Variants in DNAH11 observed in about 807,000 individuals in gnomAD.
DNAH11 encodes axonemal beta dynein heavy chain 11.
In DNAH11, 442 loss-of-function variants were observed where a neutral mutation model predicts 526.0. The observed-to-expected ratio is 0.84, with a 90% CI of 0.78 to 0.91. DNAH11 has a LOEUF of 0.91. Ranked by LOEUF, DNAH11 falls within the 40% of genes least tolerant of loss-of-function variation. DNAH11 has a pLI of 0.00. For synonymous variants in DNAH11, 2,461 were observed against 1,935.9 expected (o/e 1.27, Z -7.12); for missense variants, 6,989 against 5,448.7 (o/e 1.28, Z -8.90).
At chr7:21,544,813 C>T (rs971109639) in intron 1 of DNAH11, among the ~76,000 whole-genome samples, 193 bp from the exon 2 acceptor site, 1 of 151,850 alleles carries the variant, frequency 6.6e-6, no homozygotes, top group African/African-American at 2.4e-5. Context: ...GTGAAATTAG[C>T]ATTATAAAAG....
At chr7:21,576,937 T>C (rs562887657) in intron 8 of DNAH11, among the ~76,000 whole-genome samples, 1 of 151,960 alleles carries the variant, frequency 6.6e-6, no homozygotes, top group African/African-American at 2.4e-5. Flanking sequence ...AATAACAGTA[T>C]CTGAGAAAAA....
intron 70 of DNAH11, 86 bp from the exon 71 acceptor site, chr7:21,866,384 T>A: frequency 2.3e-6 from 3 of 1,281,304 alleles, no homozygotes; most frequent in South Asian, 1.6e-5. Context: ...TTTTTTTACA[T>A]AAGATTAGAT....
intron 54 of DNAH11, among the ~76,000 whole-genome samples, chr7:21,752,550 C>T (rs570216359): frequency 6.6e-6 from 1 of 152,070 alleles, no homozygotes; most frequent in Non-Finnish European, 1.5e-5. Flanking sequence ...TTTAAATGTA[C>T]TTATGGCACA....
intron 34 of DNAH11, among the ~76,000 whole-genome samples, chr7:21,687,946 C>A (rs1379161216): frequency 6.6e-6 from 1 of 151,982 alleles, no homozygotes; most frequent in Non-Finnish European, 1.5e-5. Context: ...CCTGTAGTCC[C>A]AGTTATTTTT....
In DNAH11 at chr7:21,892,792, A is replaced by C; in HGVS notation, c.12750+125A>C. On this transcript the variant is annotated intron_variant, in intron 77 of 81. Coordinates refer to ENST00000409508, the MANE Select transcript of DNAH11 (RefSeq NM_001277115.2). ...GGTTTTACTCATACAACCACCACCT[A>C]GATCAAAATAACATTTCCAACACTC... 3 of 1,117,340 alleles carry C rather than the reference A, an allele frequency of 2.7e-6. No homozygotes were observed. The South Asian group carries it at 5.0e-5, about 19-fold the overall frequency. The allele number at this position is 1,117,340 out of a possible 1,614,324, so 69.2% of individuals were successfully genotyped here. A position where few individuals can be genotyped will look rare whatever the true frequency, so the allele number is the denominator to read the frequency against.
rs17144861 is a variant in DNAH11, at chr7:21,642,924, C to G, written c.4944+3859C>G. Among the ~76,000 whole-genome samples the G allele has an allele frequency of 7.8e-3, 1,186 of 152,248 alleles. 46 individuals are homozygous for G. The South Asian group carries it at 0.079, about 10-fold the overall frequency. On this transcript the variant is annotated intron_variant, in intron 28 of 81. Coordinates refer to ENST00000409508, the MANE Select transcript of DNAH11 (RefSeq NM_001277115.2). ...CTAGAATGCTGTCAGTAATTATCAG[C>G]TTAGGAGTAAGTTTGGTTAAGGTCA...
In DNAH11 at chr7:21,861,955, T is replaced by C. The variant is rs773147855; in HGVS notation, c.11305T>C (p.Phe3769Leu). 6.2e-7 allele frequency: 1 copy of C among 1,613,772 alleles called. No homozygotes were observed. Among genetic ancestry groups the C allele is most frequent in the Admixed American group, 1.7e-5 (1 of 60,018 alleles). ...ILMESITHAV[F>L]LYTSQALFEK... ...GATGGAGAGCATCACCCATGCTGTC[T>C]TCCTCTACACCAGCCAGGCGCTGTT... The change falls in exon 69 of 82, where the codon TTC (phenylalanine) becomes CTC (leucine). Residue 3769 changes from phenylalanine to leucine, a missense_variant. Phe to Leu is a conservative substitution (Grantham distance 22, BLOSUM62 0). Transcript: ENST00000409508.
Position 21,588,721 on chromosome 7 carries a change from C to G in DNAH11, c.1973+85C>G, listed in dbSNP as rs1784563442. 2.0e-6 allele frequency: 3 copies of G among 1,486,472 alleles called. No homozygotes were observed. The East Asian group carries it at 6.8e-5, about 34-fold the overall frequency. 92.1% of individuals were successfully genotyped at this position (1,486,472 alleles called of 1,614,324 possible). A position where few individuals can be genotyped will look rare whatever the true frequency, so the allele number is the denominator to read the frequency against. On this transcript the variant is annotated intron_variant, in intron 11 of 81. Coordinates refer to ENST00000409508, the MANE Select transcript of DNAH11 (RefSeq NM_001277115.2). ...TAAGAGAGTGAGCTGTTCATATTAG[C>G]ACTTAGGAAGCCATTGCCCTGTTCA...
intron 68 of DNAH11, among the ~76,000 whole-genome samples, chr7:21,855,013 C>A (rs538535602): frequency 6.6e-6 from 1 of 150,402 alleles, no homozygotes; most frequent in East Asian, 2.0e-4. Flanking sequence ...GTGTATTGCT[C>A]CTGAGCAGTC....
chr7:21,760,322 A>G (rs755194429), intron 54 of DNAH11, among the ~76,000 whole-genome samples: 6 of 152,134 alleles, frequency 3.9e-5, no homozygotes, highest in African/African-American at 7.2e-5. Flanking sequence ...AAGCCTTACA[A>G]CCTGCTCTAT....
At chr7:21,734,714 T>A (rs1379258402) in intron 45 of DNAH11, among the ~76,000 whole-genome samples, 1 of 151,982 alleles carries the variant, frequency 6.6e-6, no homozygotes, top group African/African-American at 2.4e-5. Context: ...AATAATTAGC[T>A]GGGCATGGTG....
At chr7:21,845,084 C>G (rs1376338713) in intron 66 of DNAH11, among the ~76,000 whole-genome samples, 2 of 151,946 alleles carry the variant, frequency 1.3e-5, no homozygotes, top group Non-Finnish European at 1.5e-5. Context: ...TTTATGTTAG[C>G]ATAAAAAAGT....
intron 45 of DNAH11, among the ~76,000 whole-genome samples, chr7:21,733,365 G>A (rs1226339567): frequency 1.3e-5 from 2 of 152,288 alleles, no homozygotes; most frequent in African/African-American, 4.8e-5. Context: ...TCCAGCCTCA[G>A]CAACAAGAGC....
At chr7:21,615,414 G>A (rs1186968205) in intron 21 of DNAH11, 142 bp downstream of exon 21, 3 of 839,054 alleles carry the variant, frequency 3.6e-6, no homozygotes, top group South Asian at 2.3e-5. Context: ...CCCCAAATTA[G>A]AGTTCATGTA....
intron 51 of DNAH11, 86 bp downstream of exon 51, chr7:21,745,149 G>A (rs1234341138): frequency 1.6e-5 from 22 of 1,380,174 alleles, no homozygotes; most frequent in Non-Finnish European, 1.8e-5. Context: ...ATCATACTAA[G>A]CACTCTGAAC....
chr7:21,719,194 GT>G (rs1784782360), intron 43 of DNAH11, among the ~76,000 whole-genome samples: 1 of 152,166 alleles, frequency 6.6e-6, no homozygotes, highest in Non-Finnish European at 1.5e-5. Context: ...CTTTTAAGCT[GT>G]TGTTTTATAG....
chr7:21,815,794 A>T (rs184912839), intron 63 of DNAH11, among the ~76,000 whole-genome samples: 1 of 152,124 alleles, frequency 6.6e-6, no homozygotes, highest in Admixed American at 6.6e-5. Flanking sequence ...TATTGTTGTC[A>T]ATTTTTATAA....
chr7:21,629,054 C>G (rs1460914207), intron 25 of DNAH11, among the ~76,000 whole-genome samples: 2 of 152,112 alleles, frequency 1.3e-5, no homozygotes, highest in Non-Finnish European at 2.9e-5. Context: ...TCTAAACTTT[C>G]CTCTTATTAC....
chr7:21,645,465 A>G (rs890456739), intron 28 of DNAH11, among the ~76,000 whole-genome samples: 6 of 152,224 alleles, frequency 3.9e-5, no homozygotes, highest in African/African-American at 1.4e-4. Context: ...TCCTCGAGAC[A>G]TTTGATAATT....
Sources: gnomAD v4.1 joint callset for allele counts (sites outside exome capture counted in the v4.1 genomes callset) on GRCh38, gnomAD v4.1.1 for gene constraint, MANE v1.5 for transcripts, NCBI Gene and HGNC (gene_info 2026-07-23, HGNC 2026-07-21) for gene names.